The following FSTL5 variants were observed in gnomAD, a reference collection of about 807,000 sequenced individuals.
FSTL5 encodes follistatin-related protein 5.
A neutral mutation model predicts 89.1 loss-of-function variants in FSTL5; 62 were observed. The ratio of observed to expected loss-of-function variants is 0.70; its 90% CI spans 0.57 to 0.86. The LOEUF is 0.86. Among genes scored for constraint, FSTL5 ranks in the 40% least tolerant of loss-of-function variants. FSTL5 has a pLI of 0.00. For synonymous variants in FSTL5, 383 were observed against 346.2 expected, an observed-to-expected ratio of 1.11 and a Z score of -1.18; for missense variants, 1,057 against 1,001.6, an observed-to-expected ratio of 1.06 and a Z score of -0.75.
chr4:161,695,750 A>T (rs1430015199), intron 6 of FSTL5, among the ~76,000 whole-genome samples: 1 of 151,822 alleles, frequency 6.6e-6, no homozygotes, highest in Admixed American at 6.6e-5. Context: ...TTTGTTGGCC[A>T]TTTGCAGGTC....
chr4:161,853,536 C>T (rs1365530371), intron 4 of FSTL5, among the ~76,000 whole-genome samples: 1 of 151,622 alleles, frequency 6.6e-6, no homozygotes, highest in East Asian at 1.9e-4. Context: ...CCTCGGCCTC[C>T]CAAGTGGCTT....
intron 4 of FSTL5, among the ~76,000 whole-genome samples, chr4:161,780,211 ATTAT>A (rs1432899045): frequency 6.7e-6 from 1 of 150,160 alleles, no homozygotes; most frequent in Non-Finnish European, 1.5e-5. Context: ...TTATTTAATA[ATTAT>A]TTAATAATAA....
intron 15 of FSTL5, among the ~76,000 whole-genome samples, chr4:161,452,204 G>A (rs114946141): frequency 0.011 from 1,685 of 152,186 alleles, 12 homozygotes; most frequent in Admixed American, 0.017. Context: ...GGCCAGGTAC[G>A]GTGGCTCACA....
intron 3 of FSTL5, among the ~76,000 whole-genome samples, chr4:161,958,720 T>C (rs1162137058): frequency 6.6e-6 from 1 of 152,134 alleles, no homozygotes; most frequent in Admixed American, 6.6e-5. Flanking sequence ...CCACCACTGA[T>C]AATTTTCTCA....
chr4:161,984,879 C>T (rs561646523), intron 3 of FSTL5, among the ~76,000 whole-genome samples: 86 of 152,076 alleles, frequency 5.7e-4, no homozygotes, highest in African/African-American at 2.0e-3. Context: ...GTCAGAACCA[C>T]TAAATCAAAA....
chr4:161,984,039 C>A (rs1243147039), intron 3 of FSTL5, among the ~76,000 whole-genome samples: 1 of 151,916 alleles, frequency 6.6e-6, no homozygotes, highest in Non-Finnish European at 1.5e-5. Flanking sequence ...TATCTAAGTC[C>A]TAAATCTTTT....
intron 4 of FSTL5, among the ~76,000 whole-genome samples, chr4:161,840,395 T>C (rs535306288): frequency 6.6e-6 from 1 of 152,324 alleles, no homozygotes; most frequent in South Asian, 2.1e-4. Flanking sequence ...TATCTACATA[T>C]CTAAAACAAC....
At chr4:161,660,681 G>A (rs933931256) in intron 6 of FSTL5, among the ~76,000 whole-genome samples, 3 of 152,010 alleles carry the variant, frequency 2.0e-5, no homozygotes, top group Non-Finnish European at 4.4e-5. Context: ...GTGTCCGTGT[G>A]TTCTCATCAT....
At chr4:161,989,131 A>G (rs1231375090) in intron 3 of FSTL5, among the ~76,000 whole-genome samples, 1 of 152,204 alleles carries the variant, frequency 6.6e-6, no homozygotes, top group Non-Finnish European at 1.5e-5. Flanking sequence ...CATCTGGAAA[A>G]GGGCAGTCTC....
chr4:161,502,638 C>T (rs151336451), intron 11 of FSTL5, among the ~76,000 whole-genome samples: 11 of 151,920 alleles, frequency 7.2e-5, no homozygotes, highest in African/African-American at 2.6e-4. Flanking sequence ...CTCTGCGAGT[C>T]CTCCTCATTC....
rs183429508 is a variant in FSTL5, at chr4:162,084,751, C to T, written c.126+26520G>A. Among the ~76,000 whole-genome samples, 9 of 152,012 alleles carry T rather than the reference C, an allele frequency of 5.9e-5. No homozygotes were observed. The South Asian group carries it at 1.0e-3, about 18-fold the overall frequency. On this transcript the variant is annotated intron_variant, in intron 2 of 15. Transcript: ENST00000306100. Reference sequence around the variant, plus strand: ...GAACACATGGACACAGGGAGGGGAACATCACACACCGGCACCTACCAGGGG... The same window carrying T: ...GAACACATGGACACAGGGAGGGGAATATCACACACCGGCACCTACCAGGGG...
chr4:161,867,264 T>C (rs1156963329), intron 4 of FSTL5, among the ~76,000 whole-genome samples: 1 of 152,030 alleles, frequency 6.6e-6, no homozygotes, highest in South Asian at 2.1e-4. Context: ...CTGAAATTAC[T>C]TCTCTAAATA....
At chr4:161,926,464 C>A (rs1252292990) in intron 3 of FSTL5, among the ~76,000 whole-genome samples, 3 of 149,740 alleles carry the variant, frequency 2.0e-5, no homozygotes, top group African/African-American at 7.3e-5. Flanking sequence ...AGAAAAAAGC[C>A]AGAGATCCAG....
chr4:161,516,922 C>A (rs1313473647), intron 10 of FSTL5, among the ~76,000 whole-genome samples: 1 of 151,978 alleles, frequency 6.6e-6, no homozygotes, highest in Non-Finnish European at 1.5e-5. Context: ...CAGTAAGACC[C>A]ATGCTCTGTT....
intron 4 of FSTL5, among the ~76,000 whole-genome samples, chr4:161,877,281 G>T (rs1308108616): frequency 6.7e-6 from 1 of 150,072 alleles, no homozygotes; most frequent in Non-Finnish European, 1.5e-5. Flanking sequence ...GTAGAATATG[G>T]TATACTTATA....
chr4:161,877,352 A>T (rs1732478412), intron 4 of FSTL5, among the ~76,000 whole-genome samples: 1 of 150,638 alleles, frequency 6.6e-6, no homozygotes. Flanking sequence ...AACAAGAACC[A>T]TATGTAATAT....
chr4:161,412,313 G>A (rs1196627056), intron 15 of FSTL5, among the ~76,000 whole-genome samples: 1 of 151,946 alleles, frequency 6.6e-6, no homozygotes, highest in African/African-American at 2.4e-5. Context: ...ACCAATATCA[G>A]TCTTCACAGA....
At chr4:161,520,470 A>C (rs1179402952) in intron 10 of FSTL5, among the ~76,000 whole-genome samples, 1 of 152,042 alleles carries the variant, frequency 6.6e-6, no homozygotes, top group Non-Finnish European at 1.5e-5. Flanking sequence ...GAAATTATAA[A>C]TTATAACAAA....
At chr4:162,132,797 AGAG>A (rs1202397469) in intron 1 of FSTL5, among the ~76,000 whole-genome samples, 2 of 152,204 alleles carry the variant, frequency 1.3e-5, no homozygotes, top group African/African-American at 4.8e-5. Context: ...TTTATCTTCT[AGAG>A]GAGGAGGTTG....
Sources: allele counts gnomAD v4.1 joint callset (sites outside exome capture counted in the v4.1 genomes callset), GRCh38; gene constraint gnomAD v4.1.1; transcripts MANE v1.5; gene names NCBI Gene and HGNC (gene_info 2026-07-23, HGNC 2026-07-21).